MMAA: variants seen among roughly 807,000 people sequenced by gnomAD.
MMAA encodes metabolism of cobalamin associated A.
In MMAA, 41 loss-of-function variants were observed where a neutral mutation model predicts 45.0. The ratio of observed to expected loss-of-function variants is 0.91; its 90% CI spans 0.71 to 1.18. The LOEUF is 1.18. MMAA is among the 50% of genes most tolerant of loss of function. The pLI, the probability that MMAA is intolerant of heterozygous loss-of-function variation, is 0.00. For synonymous variants in MMAA, 154 were observed against 178.2 expected (o/e 0.86, Z 1.08); for missense variants, 460 against 495.7 (o/e 0.93, Z 0.68).
chr4:145,639,269 TTTAA>T lies in MMAA; in HGVS notation c.133_136del (p.Asn45LeufsTer16). 1.2e-6 allele frequency: 2 copies of T among 1,614,210 alleles called. No individual in the cohort carries two copies. Among genetic ancestry groups the T allele is most frequent in the Non-Finnish European group, 1.7e-6 (2 of 1,180,040 alleles). On this transcript the variant is annotated frameshift_variant, in exon 2 of 7. Coordinates refer to ENST00000649156, the MANE Select transcript of MMAA (RefSeq NM_172250.3). LOFTEE classifies it high-confidence loss of function. Reference sequence around the variant, plus strand: ...ATCAGGAATCCCATGTGCTCAGCCGTTTAATTCTCTTGGACTCCATTGTACAAAG... The same window carrying T: ...ATCAGGAATCCCATGTGCTCAGCCGTTTCTCTTGGACTCCATTGTACAAAG...
Position 145,656,440 on chromosome 4 carries a change from A to G in MMAA, c.*1006A>G, listed in dbSNP as rs1445682840. 3.3e-5 allele frequency: 5 copies of G among 152,126 alleles called. No homozygotes were observed. Among genetic ancestry groups the G allele is most frequent in the African/African-American group, 1.2e-4 (5 of 41,416 alleles). 9.4% of individuals were successfully genotyped at this position (152,126 alleles called of 1,614,324 possible). A position where few individuals can be genotyped will look rare whatever the true frequency, so the allele number is the denominator to read the frequency against. ...CCTCCCTGGTAAAATGAAATTGGCA[A>G]ATAACTTTCTAAGGTTAGTGAAGAT... On this transcript the variant is annotated 3_prime_UTR_variant, in exon 7 of 7. Transcript: ENST00000649156.
intron 2 of MMAA, 159 bp from the exon 3 acceptor site, chr4:145,642,204 A>G: frequency 1.2e-6 from 1 of 827,002 alleles, no homozygotes; most frequent in Non-Finnish European, 1.9e-6. Context: ...TTAAAGAAAC[A>G]GATTTTTATT....
chr4:145,651,996 C>T (rs1417713646), intron 5 of MMAA, among the ~76,000 whole-genome samples: 5 of 152,168 alleles, frequency 3.3e-5, no homozygotes, highest in Admixed American at 3.3e-4. Context: ...TGCCCCCCTG[C>T]TGTGAGGCCC....
At chr4:145,623,431 A>C (rs1734129032) in intron 1 of MMAA, among the ~76,000 whole-genome samples, 1 of 152,240 alleles carries the variant, frequency 6.6e-6, no homozygotes, top group Admixed American at 6.5e-5. Context: ...ATAGTCTTGA[A>C]ATAATACCGA....
intron 1 of MMAA, among the ~76,000 whole-genome samples, chr4:145,635,073 G>A (rs1727574810): frequency 6.6e-6 from 1 of 152,066 alleles, no homozygotes; most frequent in African/African-American, 2.4e-5. Context: ...GTCTCACTGG[G>A]TTGTGTTCCC....
Position 145,648,492 on chromosome 4 carries a change from A to G in MMAA, c.733+2336A>G, listed in dbSNP as rs535817929. On this transcript the variant is annotated intron_variant, in intron 4 of 6. Coordinates refer to ENST00000649156, the MANE Select transcript of MMAA (RefSeq NM_172250.3). ...TGAGGGGAACACAGCTCAGTTTATAACAATAGCCATGACAGGGCTTTAGAA... is the reference window on the plus strand; with the variant it reads ...TGAGGGGAACACAGCTCAGTTTATAGCAATAGCCATGACAGGGCTTTAGAA... Among the ~76,000 whole-genome samples, 11 of 152,258 alleles carry G rather than the reference A, an allele frequency of 7.2e-5. 1 individual carries two copies. In the South Asian group the frequency reaches 2.1e-3, roughly 29 times the overall value.
intron 1 of MMAA, among the ~76,000 whole-genome samples, chr4:145,623,725 A>G (rs1440622984): frequency 6.6e-6 from 1 of 152,248 alleles, no homozygotes; most frequent in Non-Finnish European, 1.5e-5. Flanking sequence ...CTAGAGAAGC[A>G]TCTATAGGGC....
At chr4:145,625,297 A>G in intron 1 of MMAA, 1 of 731,610 alleles carries the variant, frequency 1.4e-6, no homozygotes, top group Non-Finnish European at 2.5e-6. Flanking sequence ...AGACATTAGT[A>G]AAGAAATTGC....
At chr4:145,625,217 C>T (rs1156796963) in intron 1 of MMAA, 1 of 1,373,760 alleles carries the variant, frequency 7.3e-7, no homozygotes, top group African/African-American at 1.4e-5. Context: ...CTTTTGATAA[C>T]TTGGTTTTTC....
At chr4:145,652,789 A>G (rs1375690720) in intron 5 of MMAA, among the ~76,000 whole-genome samples, 2 of 152,084 alleles carry the variant, frequency 1.3e-5, no homozygotes, top group African/African-American at 4.8e-5. Context: ...CATGAATAAC[A>G]GACACTCCTG....
intron 1 of MMAA, among the ~76,000 whole-genome samples, chr4:145,621,398 A>T (rs1734084958): frequency 6.6e-6 from 1 of 152,202 alleles, no homozygotes; most frequent in African/African-American, 2.4e-5. Context: ...ATCTTACTGG[A>T]AAAGTGATAA....
chr4:145,630,533 A>G (rs1168646656), intron 1 of MMAA, among the ~76,000 whole-genome samples: 1 of 152,184 alleles, frequency 6.6e-6, no homozygotes, highest in African/African-American at 2.4e-5. Context: ...GTTTGACACC[A>G]GACTGACCAA....
chr4:145,644,925 T>C (rs1372884665), intron 3 of MMAA, among the ~76,000 whole-genome samples: 1 of 152,158 alleles, frequency 6.6e-6, no homozygotes, highest in African/African-American at 2.4e-5. Flanking sequence ...AGTAAATATG[T>C]CTCTAGACAT....
Position 145,625,564 on chromosome 4 carries a change from T to G in MMAA, c.-66+6157T>G, listed in dbSNP as rs113361810. 642 of 762,762 alleles carry G rather than the reference T, an allele frequency of 8.4e-4. 5 individuals carry two copies. In the African/African-American group the frequency reaches 9.2e-3, roughly 11 times the overall value. 47.2% of individuals were successfully genotyped at this position (762,762 alleles called of 1,614,324 possible). On this transcript the variant is annotated intron_variant, in intron 1 of 6. Coordinates refer to ENST00000649156, the MANE Select transcript of MMAA (RefSeq NM_172250.3). ...AAGTGCTCAGAAATTTGAATTGTTT[T>G]GAGAGACCTAAATATGGTGATGGTC...
chr4:145,650,818 G>C (rs1412780674), intron 4 of MMAA: 2 of 522,760 alleles, frequency 3.8e-6, no homozygotes, highest in Non-Finnish European at 6.8e-6. Context: ...GAGGATGGAA[G>C]CCTTTAGGTT....
chr4:145,639,940 G>A (rs1239606796), intron 2 of MMAA: 22 of 627,862 alleles, frequency 3.5e-5, no homozygotes, highest in South Asian at 7.1e-5. Flanking sequence ...TTTTGTTGTC[G>A]TATCAACTAT....
Position 145,655,325 on chromosome 4 carries a change from C to T in MMAA, c.1148C>T (p.Pro383Leu). 1 of 1,614,130 alleles carries T rather than the reference C, an allele frequency of 6.2e-7. No homozygotes were observed. Among genetic ancestry groups the T allele is most frequent in the African/African-American group, 1.3e-5 (1 of 75,012 alleles). ...GTGTTAGAGCATTTCAGGACCCACCCCACAGTCCGGGAACAGATTCCACTT... is the reference window on the plus strand; with the variant it reads ...GTGTTAGAGCATTTCAGGACCCACCTCACAGTCCGGGAACAGATTCCACTT... ...ESVLEHFRTH[P>L]TVREQIPLLE... Residue 383 changes from proline (P) to leucine (L), a missense_variant, in exon 7 of 7, where the codon CCC becomes CTC. Coordinates refer to ENST00000649156, the MANE Select transcript of MMAA (RefSeq NM_172250.3).
intron 1 of MMAA, among the ~76,000 whole-genome samples, chr4:145,638,762 G>A (rs1322286455): frequency 6.6e-6 from 1 of 152,090 alleles, no homozygotes; most frequent in African/African-American, 2.4e-5. Context: ...ACGAATTTAA[G>A]AGAAAGCATA....
chr4:145,626,353 T>C (rs1294652075), intron 1 of MMAA, among the ~76,000 whole-genome samples: 2 of 152,210 alleles, frequency 1.3e-5, no homozygotes, highest in African/African-American at 4.8e-5. Context: ...TGGGCTGCTT[T>C]AAAATCTGGT....
Sources: allele counts gnomAD v4.1 joint callset (sites outside exome capture counted in the v4.1 genomes callset), GRCh38; gene constraint gnomAD v4.1.1; transcripts MANE v1.5; gene names NCBI Gene and HGNC (gene_info 2026-07-23, HGNC 2026-07-21).